Variants in DNAAF4 observed in about 807,000 individuals in gnomAD.
DNAAF4 encodes the protein dynein assembly factor 4, axonemal.
A neutral mutation model predicts 51.8 loss-of-function variants in DNAAF4; 43 were observed. That is an observed-to-expected ratio of 0.83 (90% CI 0.65 to 1.07). DNAAF4 has a LOEUF of 1.07. DNAAF4 is among the 50% of genes least tolerant of loss of function. The pLI, the probability that DNAAF4 is intolerant of heterozygous loss-of-function variation, is 0.00. For missense variants in DNAAF4, 581 were observed against 493.0 expected, an observed-to-expected ratio of 1.18 and a Z score of -1.69; for synonymous variants, 194 against 165.6, an observed-to-expected ratio of 1.17 and a Z score of -1.32.
chr15:55,433,397 C>T (rs1207125601), intron 8 of DNAAF4, among the ~76,000 whole-genome samples: 1 of 151,954 alleles, frequency 6.6e-6, no homozygotes, highest in Non-Finnish European at 1.5e-5. Flanking sequence ...GAGGCCCAGG[C>T]GGGCGGATTA....
At chr15:55,493,564 A>T (rs1398579125) in intron 3 of DNAAF4, among the ~76,000 whole-genome samples, 2 of 152,216 alleles carry the variant, frequency 1.3e-5, no homozygotes, top group African/African-American at 4.8e-5. Flanking sequence ...ATCAAGAAGG[A>T]ATTTCCAGAA....
chr15:55,421,169 A>G (rs2141380501), intron 7 of DNAAF4, among the ~76,000 whole-genome samples: 1 of 145,262 alleles, frequency 6.9e-6, no homozygotes. Flanking sequence ...CAGCCTGGGC[A>G]ACAGAGTGAG....
intron 7 of DNAAF4, among the ~76,000 whole-genome samples, chr15:55,435,599 T>C (rs922617158): frequency 6.6e-6 from 1 of 152,212 alleles, no homozygotes; most frequent in African/African-American, 2.4e-5. Context: ...CAAGCTTTAC[T>C]TGAAATAGAA....
rs75175003 is a variant in DNAAF4, at chr15:55,487,040, A to G, written c.405+4083T>C. ...CAACTAATTTTACACTTTTGTGGAA[A>G]ATCCCTTAAGAGAGTTCTCTATAAC... On this transcript the variant is annotated intron_variant, in intron 4 of 9. Transcript: ENST00000321149. Among the ~76,000 whole-genome samples, 41 of 152,266 alleles carry G rather than the reference A, an allele frequency of 2.7e-4. No homozygotes were observed. In the East Asian group the frequency reaches 7.7e-3, roughly 29 times the overall value.
chr15:55,504,895 G>A (rs2058718378), intron 1 of DNAAF4, among the ~76,000 whole-genome samples: 1 of 152,088 alleles, frequency 6.6e-6, no homozygotes, highest in African/African-American at 2.4e-5. Context: ...CAAAAGCAAT[G>A]GCAACAAAAG....
At chr15:55,470,847 A>ATT (rs1169756178) in intron 4 of DNAAF4, among the ~76,000 whole-genome samples, 4,371 of 98,928 alleles carry the variant, frequency 0.044, 228 homozygotes, top group Non-Finnish European at 0.056. Context: ...TGCCTGGCGG[A>ATT]TTTTTTTTTT....
chr15:55,447,507 A>T (rs2057852560), intron 6 of DNAAF4, among the ~76,000 whole-genome samples: 1 of 151,216 alleles, frequency 6.6e-6, no homozygotes, highest in African/African-American at 2.4e-5. Context: ...AGTGAGCAAG[A>T]CTCCATCTGC....
chr15:55,498,466 C>A lies in DNAAF4; in HGVS notation c.-137G>T. 1 of 1,345,256 alleles carries A rather than the reference C, an allele frequency of 7.4e-7. No individual in the cohort carries two copies. Among genetic ancestry groups the A allele is most frequent in the Admixed American group, 2.8e-5 (1 of 35,394 alleles). 83.3% of individuals were successfully genotyped at this position (1,345,256 alleles called of 1,614,324 possible). On this transcript the variant is annotated 5_prime_UTR_variant, in exon 2 of 10. Coordinates refer to ENST00000321149, the MANE Select transcript of DNAAF4 (RefSeq NM_130810.4). The stretch of plus-strand genomic sequence containing the variant: ...GCCCGGCGTTCCCAGCGTGCTCCGG[C>A]GCCAGCACCTCGCGGACTCCATGCG...
At chr15:55,418,700 T>A in intron 7 of DNAAF4, 1 of 645,344 alleles carries the variant, frequency 1.5e-6, no homozygotes. Flanking sequence ...AAATAAAGTA[T>A]TTCAACTGAT....
chr15:55,443,750 G>C (rs1419712886), intron 6 of DNAAF4, among the ~76,000 whole-genome samples: 3 of 152,332 alleles, frequency 2.0e-5, no homozygotes, highest in East Asian at 1.9e-4. Flanking sequence ...TAGCTGGTGT[G>C]AGATGGTATC....
At chr15:55,442,692 G>A (rs533289886) in intron 6 of DNAAF4, 480 of 1,459,856 alleles carry the variant, frequency 3.3e-4, no homozygotes, top group Non-Finnish European at 4.3e-4. Flanking sequence ...CTGAATATAG[G>A]GTCTTCTCAT....
At chr15:55,464,350 T>C (rs1263001636) in intron 5 of DNAAF4, among the ~76,000 whole-genome samples, 1 of 152,114 alleles carries the variant, frequency 6.6e-6, no homozygotes, top group African/African-American at 2.4e-5. Flanking sequence ...TCATAAAAAT[T>C]CTAGAAGATA....
intron 6 of DNAAF4, among the ~76,000 whole-genome samples, chr15:55,449,997 C>A (rs1301669286): frequency 2.0e-5 from 3 of 152,038 alleles, no homozygotes; most frequent in Admixed American, 6.6e-5. Flanking sequence ...CTGCGCCCGG[C>A]CTACTGTACA....
chr15:55,479,932 T>G (rs867796796), intron 4 of DNAAF4, among the ~76,000 whole-genome samples: 5 of 152,190 alleles, frequency 3.3e-5, no homozygotes, highest in Admixed American at 6.5e-5. Flanking sequence ...CAAGATAATA[T>G]GTGCACTGCT....
Position 55,430,362 on chromosome 15 carries a change from G to A in DNAAF4, c.*308C>T, listed in dbSNP as rs145056228. On this transcript the variant is annotated 3_prime_UTR_variant, in exon 10 of 10. Transcript: ENST00000321149. ...TACCTTGTTAAAAATTAATCAGTAA[G>A]TGTCCTGGTAACTATACCAAAACAT... 1.0e-5 allele frequency: 10 copies of A among 984,202 alleles called. No individual in the cohort carries two copies. Among genetic ancestry groups the A allele is most frequent in the Non-Finnish European group, 1.2e-5 (10 of 827,596 alleles). 61.0% of individuals were successfully genotyped at this position (984,202 alleles called of 1,614,324 possible). A position where few individuals can be genotyped will look rare whatever the true frequency, so the allele number is the denominator to read the frequency against.
At chr15:55,445,893 A>T (rs1189819171) in intron 6 of DNAAF4, among the ~76,000 whole-genome samples, 4 of 100,264 alleles carry the variant, frequency 4.0e-5, no homozygotes, top group African/African-American at 1.5e-4. Flanking sequence ...TGCGGCAGCC[A>T]GGCAGAGGTG....
chr15:55,469,854 G>A (rs892239458), intron 4 of DNAAF4, among the ~76,000 whole-genome samples: 6 of 151,644 alleles, frequency 4.0e-5, no homozygotes, highest in Admixed American at 6.6e-5. Flanking sequence ...TTATCTACCC[G>A]GAGTTAGCAT....
chr15:55,447,719 A>T (rs1320018414), intron 6 of DNAAF4, among the ~76,000 whole-genome samples: 1 of 148,012 alleles, frequency 6.8e-6, no homozygotes, highest in Non-Finnish European at 1.5e-5. Context: ...GGGAGGTGGC[A>T]GCGAGCCGAG....
chr15:55,454,517 A>G (rs115601270), intron 5 of DNAAF4, among the ~76,000 whole-genome samples: 35,779 of 151,660 alleles, frequency 0.24, 5,336 homozygotes, highest in Non-Finnish European at 0.34. Context: ...AGCTGGGATT[A>G]CAGCTATGTG....
Sources: allele counts gnomAD v4.1 joint callset (sites outside exome capture counted in the v4.1 genomes callset), GRCh38; gene constraint gnomAD v4.1.1; transcripts MANE v1.5; gene names NCBI Gene and HGNC (gene_info 2026-07-23, HGNC 2026-07-21).